Variants in FAM83B observed in about 807,000 individuals in gnomAD.
FAM83B encodes the protein scaffolding CK1 anchoring protein B, also known as protein FAM83B.
A neutral mutation model predicts 38.8 loss-of-function variants in FAM83B; 26 were observed. The observed-to-expected ratio is 0.67, with a 90% confidence interval of 0.49 to 0.93. FAM83B has a LOEUF of 0.93. Ranked by LOEUF, FAM83B falls within the 40% of genes least tolerant of loss-of-function variation. The pLI is 0.00. For synonymous variants in FAM83B, 419 were observed against 423.1 expected (o/e 0.99, Z 0.12); for missense variants, 1,237 against 1,197.3 (o/e 1.03, Z -0.49).
intron 2 of FAM83B, among the ~76,000 whole-genome samples, chr6:54,887,206 T>C (rs1006492908): frequency 2.6e-5 from 4 of 152,192 alleles, no homozygotes; most frequent in Non-Finnish European, 5.9e-5. Context: ...TCCATTTGTA[T>C]GTGGATTTTA....
At chr6:54,863,450 C>T (rs541798534) in intron 1 of FAM83B, among the ~76,000 whole-genome samples, 40 of 150,774 alleles carry the variant, frequency 2.7e-4, no homozygotes, top group Middle Eastern at 3.4e-3. Context: ...CACCATGAGG[C>T]TTAAGGCCCT....
chr6:54,900,856 G>T (rs913265751), intron 2 of FAM83B, among the ~76,000 whole-genome samples: 1 of 152,206 alleles, frequency 6.6e-6, no homozygotes, highest in Non-Finnish European at 1.5e-5. Flanking sequence ...GCTGGGAAAT[G>T]TGGGCATAGA....
At chr6:54,876,278 CAT>C (rs3996949) in intron 2 of FAM83B, among the ~76,000 whole-genome samples, 4,799 of 93,530 alleles carry the variant, frequency 0.051, 61 homozygotes, top group Non-Finnish European at 0.058. Flanking sequence ...TTTAGGAGTG[CAT>C]ATATATATAT....
At chr6:54,870,146 A>G (rs1455098196) in intron 1 of FAM83B, 41 bp from the exon 2 acceptor site, 4 of 907,146 alleles carry the variant, frequency 4.4e-6, no homozygotes, top group Non-Finnish European at 5.1e-6. Flanking sequence ...TCTGTTACCG[A>G]ATTTTAACTT....
At chr6:54,863,413 A>G (rs1259027271) in intron 1 of FAM83B, among the ~76,000 whole-genome samples, 1 of 152,214 alleles carries the variant, frequency 6.6e-6, no homozygotes, top group East Asian at 1.9e-4. Flanking sequence ...GGGTCAGTAC[A>G]GTTATTTTAC....
intron 1 of FAM83B, among the ~76,000 whole-genome samples, chr6:54,864,699 A>G (rs1771660758): frequency 6.6e-6 from 1 of 152,188 alleles, no homozygotes; most frequent in African/African-American, 2.4e-5. Flanking sequence ...CTGGTAATCA[A>G]ATGAGAAGAC....
rs369260691 is a variant in FAM83B, at chr6:54,907,346, TG to T, written c.445-19023del. 4.1e-4 allele frequency among the ~76,000 whole-genome samples: 62 copies of T among 152,172 alleles called. 1 individual carries two copies. In the East Asian group the frequency reaches 5.8e-3, roughly 14 times the overall value. On this transcript the variant is annotated intron_variant, in intron 2 of 4. Coordinates refer to ENST00000306858, the MANE Select transcript of FAM83B (RefSeq NM_001010872.3). ...TCTCAATGATTTAGAAGTATTACCG[TG>T]GAAAATAAACAACCACAAAGCTTTA...
rs184893356 is a variant in FAM83B, at chr6:54,931,260, T to C, written c.734+3628T>C. ...CATGTGTACTTGAGAAGAATGTATA[T>C]TCTGCTTTTGTCAAGTGTTCTCTAT... On this transcript the variant is annotated intron_variant, in intron 4 of 4. Coordinates refer to ENST00000306858, the MANE Select transcript of FAM83B (RefSeq NM_001010872.3). 4.4e-3 allele frequency among the ~76,000 whole-genome samples: 670 copies of C among 152,324 alleles called. 8 individuals are homozygous for C. The highest frequency in any genetic ancestry group is 0.015 in the African/African-American group (638 of 41,580).
At chr6:54,927,394 A>T in intron 3 of FAM83B, 114 bp from the exon 4 acceptor site, 1 of 748,128 alleles carries the variant, frequency 1.3e-6, no homozygotes. Flanking sequence ...TTTTTTTTTT[A>T]ATTACCTTAA....
intron 4 of FAM83B, among the ~76,000 whole-genome samples, chr6:54,933,080 G>T (rs1450970756): frequency 6.6e-6 from 1 of 151,332 alleles, no homozygotes. Context: ...TTCTCATAAT[G>T]CAATATTGAT....
At chr6:54,907,602 T>A (rs1006033142) in intron 2 of FAM83B, among the ~76,000 whole-genome samples, 1 of 149,846 alleles carries the variant, frequency 6.7e-6, no homozygotes, top group Non-Finnish European at 1.5e-5. Flanking sequence ...GTTTTGATGA[T>A]ATTTTCATAG....
chr6:54,862,832 C>G (rs1004595697), intron 1 of FAM83B, among the ~76,000 whole-genome samples: 2 of 151,408 alleles, frequency 1.3e-5, no homozygotes, highest in Non-Finnish European at 2.9e-5. Context: ...TGCAGTGAGC[C>G]GAGATCGCGC....
At chr6:54,878,107 C>G (rs993252102) in intron 2 of FAM83B, among the ~76,000 whole-genome samples, 2 of 152,138 alleles carry the variant, frequency 1.3e-5, no homozygotes, top group African/African-American at 4.8e-5. Flanking sequence ...AAATTTGAAG[C>G]AGGAAGAAAA....
chr6:54,856,994 TTC>T (rs368441951), intron 1 of FAM83B, among the ~76,000 whole-genome samples: 16 of 152,176 alleles, frequency 1.1e-4, no homozygotes, highest in African/African-American at 3.1e-4. Context: ...ACAAAATTAT[TTC>T]TGTTTTTAAC....
At position 54,941,695 on chromosome 6, in the gene FAM83B, T is replaced by C; in HGVS notation, c.2724T>C (p.Pro908=). ...DSREINAVVT[P]ERRPTSSPRP... is the part of the protein sequence containing the mutation. ...GGGAGATTAATGCAGTTGTTACCCC[T>C]GAAAGAAGACCTACTTCTTCTCCAA... is the stretch of plus-strand genomic sequence containing the variant. The change falls in exon 5 of 5, where the codon CCT becomes CCC. Residue 908 remains proline, a synonymous_variant. Coordinates refer to ENST00000306858, the MANE Select transcript of FAM83B (RefSeq NM_001010872.3). The C allele has an allele frequency of 1.9e-6, 3 of 1,614,100 alleles. No individual in the cohort carries two copies. Among genetic ancestry groups the C allele is most frequent in the Non-Finnish European group, 2.5e-6 (3 of 1,180,004 alleles).
At chr6:54,899,005 T>C (rs1426888994) in intron 2 of FAM83B, among the ~76,000 whole-genome samples, 1 of 152,194 alleles carries the variant, frequency 6.6e-6, no homozygotes, top group African/African-American at 2.4e-5. Flanking sequence ...TAGCACTTAA[T>C]CAGGCAGTGA....
intron 4 of FAM83B, among the ~76,000 whole-genome samples, chr6:54,930,132 T>C (rs1164652805): frequency 1.3e-5 from 2 of 152,168 alleles, no homozygotes; most frequent in African/African-American, 4.8e-5. Flanking sequence ...TCACAATTTT[T>C]GGTTAAATGA....
chr6:54,915,208 T>C (rs1773006459), intron 2 of FAM83B, among the ~76,000 whole-genome samples: 2 of 152,188 alleles, frequency 1.3e-5, no homozygotes, highest in African/African-American at 2.4e-5. Flanking sequence ...AACACAACTT[T>C]TTATCATATT....
chr6:54,895,736 A>G (rs1449179248), intron 2 of FAM83B, among the ~76,000 whole-genome samples: 2 of 151,980 alleles, frequency 1.3e-5, no homozygotes, highest in Non-Finnish European at 2.9e-5. Context: ...GTAACATGGC[A>G]TAGGTTTGTT....
Sources: gnomAD v4.1 joint callset for allele counts (sites outside exome capture counted in the v4.1 genomes callset) on GRCh38, gnomAD v4.1.1 for gene constraint, MANE v1.5 for transcripts, NCBI Gene and HGNC (gene_info 2026-07-23, HGNC 2026-07-21) for gene names.